COL28A1: variants seen among roughly 807,000 people sequenced by gnomAD.
The protein encoded by COL28A1 is collagen type XXVIII alpha 1 chain.
A neutral mutation model predicts 150.2 loss-of-function variants in COL28A1; 161 were observed. The observed-to-expected ratio is 1.07, with a 90% CI of 0.94 to 1.22. The LOEUF (loss-of-function observed/expected upper bound fraction) is 1.22. Ranked by LOEUF, COL28A1 falls within the 50% of genes most tolerant of loss-of-function variation. The pLI is 0.00. For missense variants in COL28A1, 1,617 were observed against 1,388.3 expected, an observed-to-expected ratio of 1.16 and a Z score of -2.62; for synonymous variants, 552 against 469.7, an observed-to-expected ratio of 1.18 and a Z score of -2.26.
At chr7:7,515,599 G>A (rs543527084) in intron 8 of COL28A1, among the ~76,000 whole-genome samples, 1 of 152,268 alleles carries the variant, frequency 6.6e-6, no homozygotes, top group African/African-American at 2.4e-5. Flanking sequence ...AGCTGAAGGA[G>A]GCTGGATTCT....
At chr7:7,511,947 T>A (rs775023585) in intron 8 of COL28A1, 3 of 334,808 alleles carry the variant, frequency 9.0e-6, no homozygotes, top group Non-Finnish European at 1.2e-5. Context: ...GAGATAAATA[T>A]TAATCCAATT....
chr7:7,411,581 GC>G (rs1436439445), intron 27 of COL28A1, among the ~76,000 whole-genome samples: 1 of 151,962 alleles, frequency 6.6e-6, no homozygotes, highest in Non-Finnish European at 1.5e-5. Flanking sequence ...TCTCTCCCCA[GC>G]CTTTGAATCA....
intron 33 of COL28A1, among the ~76,000 whole-genome samples, chr7:7,368,387 C>CGG (rs1280756429): frequency 3.7e-5 from 1 of 27,050 alleles, no homozygotes; most frequent in Non-Finnish European, 6.6e-5. Context: ...CCTTTGCCTA[C>CGG]TGTTTTTTTT....
At chr7:7,532,435 G>A (rs1484246353) in intron 2 of COL28A1, among the ~76,000 whole-genome samples, 6 of 151,860 alleles carry the variant, frequency 4.0e-5, no homozygotes, top group Admixed American at 1.3e-4. Flanking sequence ...ATTTGCCTAT[G>A]GCCTTGAGTA....
chr7:7,506,245 G>A (rs527394436), intron 10 of COL28A1, among the ~76,000 whole-genome samples, 178 bp from the exon 11 acceptor site: 5 of 152,322 alleles, frequency 3.3e-5, no homozygotes, highest in Admixed American at 6.5e-5. Flanking sequence ...TGTCAAATAC[G>A]TAGCTTCCAA....
At chr7:7,526,653 T>A (rs866581493) in intron 3 of COL28A1, among the ~76,000 whole-genome samples, 1 of 152,322 alleles carries the variant, frequency 6.6e-6, no homozygotes, top group Middle Eastern at 3.4e-3. Flanking sequence ...TTCTTCTTTT[T>A]GAGATGGAGT....
intron 27 of COL28A1, among the ~76,000 whole-genome samples, chr7:7,383,921 A>T (rs1782038586): frequency 6.6e-6 from 1 of 150,852 alleles, no homozygotes; most frequent in South Asian, 2.1e-4. Flanking sequence ...TATTATATAA[A>T]ATGGTACAAA....
chr7:7,458,314 G>A (rs1001062941), intron 15 of COL28A1, among the ~76,000 whole-genome samples: 5 of 152,050 alleles, frequency 3.3e-5, no homozygotes, highest in African/African-American at 1.2e-4. Flanking sequence ...TACTCAGGAG[G>A]CTAAGGCAGG....
At chr7:7,447,523 T>C (rs1786353766) in intron 18 of COL28A1, among the ~76,000 whole-genome samples, 1 of 151,910 alleles carries the variant, frequency 6.6e-6, no homozygotes. Context: ...GATTGAAACT[T>C]ATCCAGAAAT....
intron 18 of COL28A1, among the ~76,000 whole-genome samples, chr7:7,448,765 C>T (rs1786462628): frequency 1.3e-5 from 2 of 151,782 alleles, no homozygotes; most frequent in South Asian, 4.1e-4. Context: ...CAATACTATT[C>T]AGCAATACAA....
intron 11 of COL28A1, among the ~76,000 whole-genome samples, chr7:7,500,506 G>A (rs901987530): frequency 5.9e-5 from 9 of 152,148 alleles, no homozygotes; most frequent in Non-Finnish European, 1.0e-4. Flanking sequence ...GTTCCTATCT[G>A]AAAGAAGACT....
chr7:7,420,128 A>G, intron 25 of COL28A1, 175 bp from the exon 26 acceptor site: 1 of 396,930 alleles, frequency 2.5e-6, no homozygotes, highest in Non-Finnish European at 4.5e-6. Flanking sequence ...CAACAGATCC[A>G]GGTCCATTTC....
chr7:7,531,214 G>T, intron 3 of COL28A1, 134 bp downstream of exon 3: 1 of 481,164 alleles, frequency 2.1e-6, no homozygotes, highest in South Asian at 4.7e-5. Flanking sequence ...ACTTCAGAAA[G>T]ATTCTTCTTT....
chr7:7,374,621 A>T (rs924589401), intron 31 of COL28A1, among the ~76,000 whole-genome samples: 1 of 152,138 alleles, frequency 6.6e-6, no homozygotes, highest in Non-Finnish European at 1.5e-5. Context: ...AATTATCAGG[A>T]TTCTGTTTCT....
intron 34 of COL28A1, among the ~76,000 whole-genome samples, chr7:7,359,321 C>T (rs969125860): frequency 1.3e-5 from 2 of 151,438 alleles, no homozygotes; most frequent in Non-Finnish European, 2.9e-5. Flanking sequence ...GAAGGACTGT[C>T]TTTATATTAC....
intron 3 of COL28A1, among the ~76,000 whole-genome samples, chr7:7,526,846 G>A: frequency 6.6e-6 from 1 of 152,048 alleles, no homozygotes; most frequent in East Asian, 1.9e-4. Flanking sequence ...TGTCGGCCAG[G>A]CTGGTCTCAA....
Position 7,373,784 on chromosome 7 carries a change from C to T in COL28A1, c.2360-238G>A, listed in dbSNP as rs903325329. On this transcript the variant is annotated intron_variant, in intron 31 of 34. Transcript: ENST00000399429. This position sits in a 1 kb window ranked among gnomAD's most constrained non-coding sequence, Gnocchi z 4.1. ...CGCGATCTCGGCTCACTGCAGGCTCCGTCCCCTGGGATTCACGCCATTCTC... is the reference window on the plus strand; with the variant it reads ...CGCGATCTCGGCTCACTGCAGGCTCTGTCCCCTGGGATTCACGCCATTCTC... Among the ~76,000 whole-genome samples the T allele has an allele frequency of 2.0e-4, 30 of 151,284 alleles. 1 individual carries two copies. The highest frequency in any genetic ancestry group is 7.3e-4 in the African/African-American group (30 of 41,110).
At chr7:7,364,202 C>G (rs951334426) in intron 33 of COL28A1, among the ~76,000 whole-genome samples, 48 of 152,264 alleles carry the variant, frequency 3.2e-4, no homozygotes, top group African/African-American at 1.1e-3. Context: ...ACCTTTAGTC[C>G]TATCCTATTG....
chr7:7,534,383 A>G (rs1242391916), intron 1 of COL28A1, among the ~76,000 whole-genome samples: 1 of 152,208 alleles, frequency 6.6e-6, no homozygotes, highest in East Asian at 1.9e-4. Context: ...AACCAAGGAA[A>G]AAAATAAATG....
Sources: allele counts gnomAD v4.1 joint callset (sites outside exome capture counted in the v4.1 genomes callset), GRCh38; gene constraint gnomAD v4.1.1; non-coding constraint Gnocchi (gnomAD v3.1); transcripts MANE v1.5; gene names NCBI Gene and HGNC (gene_info 2026-07-23, HGNC 2026-07-21).